Variants in LYPD6 observed in about 807,000 individuals in gnomAD.
LYPD6 encodes LY6/PLAUR domain containing 6.
Under a neutral mutation model 22.7 loss-of-function variants are expected in LYPD6, and 15 were observed. That is an observed-to-expected ratio of 0.66 (90% CI 0.44 to 1.02). The LOEUF (loss-of-function observed/expected upper bound fraction) is 1.02. Among genes scored for constraint, LYPD6 ranks in the 50% least tolerant of loss-of-function variants. The probability of loss-of-function intolerance (pLI) is 0.00; values close to 1 mark genes in which losing one functional copy is unlikely to be tolerated. For missense variants in LYPD6, 189 were observed against 208.4 expected, an observed-to-expected ratio of 0.91 and a Z score of 0.57; for synonymous variants, 72 against 77.5, an observed-to-expected ratio of 0.93 and a Z score of 0.37.
chr2:149,439,970 G>A (rs1683524022), intron 2 of LYPD6: 1 of 152,544 alleles, frequency 6.6e-6, no homozygotes. Context: ...TTCACTTTAA[G>A]AACACCTGTG....
intron 1 of LYPD6, among the ~76,000 whole-genome samples, chr2:149,430,341 C>G: frequency 6.6e-6 from 1 of 152,102 alleles, no homozygotes; most frequent in East Asian, 1.9e-4. Context: ...CTCAGTTGAT[C>G]CTCCTGCCTC....
At chr2:149,340,726 C>T (rs1199094780) in intron 1 of LYPD6, among the ~76,000 whole-genome samples, 1 of 152,080 alleles carries the variant, frequency 6.6e-6, no homozygotes, top group Non-Finnish European at 1.5e-5. Context: ...TTAAAATTAC[C>T]CATTAATGCT....
At chr2:149,385,911 T>A (rs1014626165) in intron 1 of LYPD6, among the ~76,000 whole-genome samples, 7 of 151,946 alleles carry the variant, frequency 4.6e-5, no homozygotes, top group African/African-American at 1.7e-4. Context: ...TTTCCAGGGG[T>A]TGGAAGATTA....
intron 1 of LYPD6, among the ~76,000 whole-genome samples, chr2:149,388,928 T>C (rs967559511): frequency 3.9e-5 from 6 of 152,200 alleles, no homozygotes; most frequent in African/African-American, 9.6e-5. Flanking sequence ...TTGGCTCTCC[T>C]TTCCTGGATG....
intron 1 of LYPD6, among the ~76,000 whole-genome samples, chr2:149,414,566 TATTAA>T (rs1682921975): frequency 6.6e-6 from 1 of 152,236 alleles, no homozygotes; most frequent in African/African-American, 2.4e-5. Flanking sequence ...CTGTCTTTCC[TATTAA>T]ATTATGATTT....
intron 1 of LYPD6, among the ~76,000 whole-genome samples, chr2:149,353,884 C>T (rs1284607701): frequency 6.6e-6 from 1 of 151,978 alleles, no homozygotes; most frequent in East Asian, 1.9e-4. Context: ...AAACAGTGGG[C>T]CTGTAACAAA....
At chr2:149,368,528 G>A (rs186320928) in intron 1 of LYPD6, among the ~76,000 whole-genome samples, 55 of 152,206 alleles carry the variant, frequency 3.6e-4, no homozygotes, top group African/African-American at 1.3e-3. Flanking sequence ...GTGAGACCCT[G>A]TCTCTACAAA....
chr2:149,350,026 T>G (rs993944354), intron 1 of LYPD6, among the ~76,000 whole-genome samples: 1 of 152,186 alleles, frequency 6.6e-6, no homozygotes, highest in Non-Finnish European at 1.5e-5. Flanking sequence ...CTAAGGTGCA[T>G]GAGTATTTTA....
At chr2:149,421,110 G>A (rs1034142698) in intron 1 of LYPD6, among the ~76,000 whole-genome samples, 1 of 152,012 alleles carries the variant, frequency 6.6e-6, no homozygotes, top group African/African-American at 2.4e-5. Context: ...TTTAATCCCA[G>A]CACTTTTCTT....
intron 1 of LYPD6, among the ~76,000 whole-genome samples, chr2:149,430,168 C>T (rs572191906): frequency 4.6e-5 from 7 of 152,274 alleles, no homozygotes; most frequent in Middle Eastern, 6.8e-3. Context: ...GGCGTGATCT[C>T]GGCTCACTGC....
chr2:149,443,482 C>G (rs1048709395), intron 2 of LYPD6, among the ~76,000 whole-genome samples: 1 of 152,150 alleles, frequency 6.6e-6, no homozygotes, highest in Non-Finnish European at 1.5e-5. Flanking sequence ...TGTTCTCTGA[C>G]AAATGCTTTG....
At chr2:149,368,673 A>G (rs2105075271) in intron 1 of LYPD6, among the ~76,000 whole-genome samples, 1 of 152,328 alleles carries the variant, frequency 6.6e-6, no homozygotes, top group Admixed American at 6.5e-5. Flanking sequence ...GTGCTTTAGA[A>G]GTAGAGAAGG....
At chr2:149,395,096 C>T (rs1285724554) in intron 1 of LYPD6, among the ~76,000 whole-genome samples, 1 of 150,988 alleles carries the variant, frequency 6.6e-6, no homozygotes, top group Non-Finnish European at 1.5e-5. Context: ...AGGTGGGAGA[C>T]CAACCATTTT....
At chr2:149,469,211 G>T (rs1189811669) in intron 4 of LYPD6, among the ~76,000 whole-genome samples, 3 of 152,148 alleles carry the variant, frequency 2.0e-5, no homozygotes, top group African/African-American at 7.2e-5. Context: ...AGTTTGGGGA[G>T]GGTCTCCATT....
At chr2:149,398,978 G>C (rs1682489325) in intron 1 of LYPD6, among the ~76,000 whole-genome samples, 1 of 152,146 alleles carries the variant, frequency 6.6e-6, no homozygotes, top group Non-Finnish European at 1.5e-5. Context: ...CAAAGGGATG[G>C]CTGGGGACCA....
chr2:149,395,240 A>G (rs1682403677), intron 1 of LYPD6, among the ~76,000 whole-genome samples: 1 of 152,142 alleles, frequency 6.6e-6, no homozygotes, highest in Non-Finnish European at 1.5e-5. Context: ...TGAGTTCATC[A>G]GTCAGTTCTG....
chr2:149,458,537 T>TA (rs943351724), intron 3 of LYPD6, among the ~76,000 whole-genome samples: 3 of 151,632 alleles, frequency 2.0e-5, no homozygotes, highest in Non-Finnish European at 2.9e-5. Flanking sequence ...CAGGCTTCAA[T>TA]AAAAAAAACC....
chr2:149,463,881 G>A (rs545913233), intron 3 of LYPD6, among the ~76,000 whole-genome samples: 1 of 152,172 alleles, frequency 6.6e-6, no homozygotes. Flanking sequence ...GGTGGGGGCA[G>A]GAGGGAAGAG....
chr2:149,331,574 T>C (rs1275225763), intron 1 of LYPD6, among the ~76,000 whole-genome samples: 1 of 151,922 alleles, frequency 6.6e-6, no homozygotes, highest in Non-Finnish European at 1.5e-5. Context: ...CATTTTCAAG[T>C]GTCACAATCA....
Sources: gnomAD v4.1 joint callset for allele counts (sites outside exome capture counted in the v4.1 genomes callset) on GRCh38, gnomAD v4.1.1 for gene constraint, MANE v1.5 for transcripts, NCBI Gene and HGNC (gene_info 2026-07-23, HGNC 2026-07-21) for gene names.